The following ADARB2 variants were observed in gnomAD, a reference collection of about 807,000 sequenced individuals.
The protein encoded by ADARB2 is adenosine deaminase RNA specific B2 (inactive).
ADARB2 carries 25 observed loss-of-function variants against 62.2 expected under a neutral mutation model. The observed-to-expected ratio is 0.40, with a 90% CI of 0.29 to 0.56. The LOEUF is 0.56. Ranked by LOEUF, ADARB2 falls within the 20% of genes least tolerant of loss-of-function variation. The pLI, the probability that ADARB2 is intolerant of heterozygous loss-of-function variation, is 0.43. For missense variants in ADARB2, 1,071 were observed against 1,077.4 expected (o/e 0.99, Z 0.08); for synonymous variants, 572 against 500.8 (o/e 1.14, Z -1.90).
At chr10:1,425,532 A>C (rs1485015537) in intron 1 of ADARB2, among the ~76,000 whole-genome samples, 7 of 151,392 alleles carry the variant, frequency 4.6e-5, no homozygotes, top group Non-Finnish European at 8.8e-5. Context: ...TTGCTTGCAT[A>C]CTCCCAGTCC....
chr10:1,528,572 CA>C (rs1278196268), intron 1 of ADARB2, among the ~76,000 whole-genome samples: 1 of 152,216 alleles, frequency 6.6e-6, no homozygotes, highest in Non-Finnish European at 1.5e-5. Flanking sequence ...GGTCTTTGGT[CA>C]TCCCAGCAGC....
intron 1 of ADARB2, among the ~76,000 whole-genome samples, chr10:1,711,626 A>G (rs968384781): frequency 1.2e-4 from 18 of 152,222 alleles, no homozygotes; most frequent in African/African-American, 4.3e-4. Flanking sequence ...GATCTGAGGC[A>G]ATTCCTCATT....
chr10:1,721,904 C>T (rs1835098518), intron 1 of ADARB2, among the ~76,000 whole-genome samples: 6 of 152,076 alleles, frequency 3.9e-5, no homozygotes, highest in Admixed American at 3.9e-4. Flanking sequence ...ATGAGAGCAC[C>T]CCTCATTCCT....
intron 3 of ADARB2, among the ~76,000 whole-genome samples, chr10:1,276,866 C>T (rs953842489): frequency 7.2e-5 from 11 of 152,194 alleles, no homozygotes; most frequent in African/African-American, 2.4e-4. Flanking sequence ...GTAAAGCACT[C>T]CTCAGCAAAT....
chr10:1,498,232 G>A (rs1831716294), intron 1 of ADARB2, among the ~76,000 whole-genome samples: 1 of 152,020 alleles, frequency 6.6e-6, no homozygotes. Context: ...AAATTGGCCA[G>A]GCATGGTGGC....
rs972893196 is a variant in ADARB2, at chr10:1,317,555, G to A, written c.1077+45473C>T. Among the ~76,000 whole-genome samples, 25 of 152,322 alleles carry A rather than the reference G, an allele frequency of 1.6e-4. 1 individual carries two copies. Among genetic ancestry groups the A allele is most frequent in the Admixed American group, 1.4e-3 (21 of 15,302 alleles). On this transcript the variant is annotated intron_variant, in intron 3 of 9. Transcript: ENST00000381312. ...CTTATATAAACAAGATCACTTCTGG[G>A]AAGACATCCCTTTCTTAGGCGCTAT...
At chr10:1,536,346 T>G (rs1295130278) in intron 1 of ADARB2, among the ~76,000 whole-genome samples, 1 of 152,230 alleles carries the variant, frequency 6.6e-6, no homozygotes, top group Admixed American at 6.5e-5. Context: ...TGGTCTTTGG[T>G]TTCCAGCCTT....
intron 1 of ADARB2, among the ~76,000 whole-genome samples, chr10:1,554,369 G>C (rs1564328391): frequency 6.6e-6 from 1 of 152,162 alleles, no homozygotes; most frequent in South Asian, 2.1e-4. Flanking sequence ...GAGTCATTTT[G>C]TTCTCACGGT....
chr10:1,533,669 A>G (rs1832279196), intron 1 of ADARB2, among the ~76,000 whole-genome samples: 1 of 152,224 alleles, frequency 6.6e-6, no homozygotes, highest in African/African-American at 2.4e-5. Flanking sequence ...ATTTCTGAGC[A>G]TATTTCCTAA....
At chr10:1,719,396 G>A (rs1835059836) in intron 1 of ADARB2, among the ~76,000 whole-genome samples, 1 of 152,006 alleles carries the variant, frequency 6.6e-6, no homozygotes, top group East Asian at 1.9e-4. Context: ...TCAAATCTTT[G>A]GATTTCAGAA....
At chr10:1,230,762 C>G (rs755785509) in intron 6 of ADARB2, among the ~76,000 whole-genome samples, 4 of 152,176 alleles carry the variant, frequency 2.6e-5, no homozygotes, top group African/African-American at 4.8e-5. Flanking sequence ...TACCTTCCTT[C>G]TCCACGCTCT....
At chr10:1,423,596 G>A (rs188787263) in intron 1 of ADARB2, among the ~76,000 whole-genome samples, 33 of 152,190 alleles carry the variant, frequency 2.2e-4, no homozygotes, top group African/African-American at 8.0e-4. Context: ...GGTCCACTAT[G>A]TATGCAGTAA....
At chr10:1,234,722 G>A (rs189783519) in intron 5 of ADARB2, among the ~76,000 whole-genome samples, 15 of 146,952 alleles carry the variant, frequency 1.0e-4, no homozygotes, top group Admixed American at 9.5e-4. Flanking sequence ...GATTACAGGT[G>A]CGAGCGACCA....
intron 3 of ADARB2, among the ~76,000 whole-genome samples, chr10:1,330,389 T>C (rs1831917880): frequency 6.6e-6 from 1 of 152,226 alleles, no homozygotes; most frequent in Non-Finnish European, 1.5e-5. Context: ...GATCTATAAA[T>C]CACTCTATTA....
intron 4 of ADARB2, among the ~76,000 whole-genome samples, chr10:1,256,741 C>T (rs532992278): frequency 2.0e-5 from 3 of 151,970 alleles, no homozygotes; most frequent in Non-Finnish European, 4.4e-5. Flanking sequence ...TGTTCCTACC[C>T]CCAAGAAAGA....
intron 1 of ADARB2, among the ~76,000 whole-genome samples, chr10:1,658,170 CTG>C (rs747576364): frequency 4.0e-5 from 6 of 151,120 alleles, no homozygotes; most frequent in Non-Finnish European, 3.0e-5. Context: ...CTGTCTCTCT[CTG>C]TGTCTCTCTA....
chr10:1,255,405 A>G lies in ADARB2; in HGVS notation c.1193-13106T>C, dbSNP rs1304862683. Among the ~76,000 whole-genome samples the G allele has an allele frequency of 6.6e-6, 1 of 152,178 alleles. No individual in the cohort carries two copies. ...GCACATGTGAGCGCTGGGTCTACAC[A>G]CTAATCAAACATGCTGCTCACTCCA... On this transcript the variant is annotated intron_variant, in intron 4 of 9. Coordinates refer to ENST00000381312, the MANE Select transcript of ADARB2 (RefSeq NM_018702.4). This position sits in a 1 kb window ranked among gnomAD's most constrained non-coding sequence, Gnocchi z 4.7.
At chr10:1,215,179 C>T (rs909381280) in intron 7 of ADARB2, among the ~76,000 whole-genome samples, 3 of 152,210 alleles carry the variant, frequency 2.0e-5, no homozygotes, top group East Asian at 1.9e-4. Context: ...GCCCAGCACT[C>T]GGGCTTAGGA....
At chr10:1,613,930 A>G (rs931131979) in intron 1 of ADARB2, among the ~76,000 whole-genome samples, 1 of 152,256 alleles carries the variant, frequency 6.6e-6, no homozygotes, top group Non-Finnish European at 1.5e-5. Context: ...AGCTATTAAA[A>G]ATATGACCTT....
Sources: allele counts gnomAD v4.1 joint callset (sites outside exome capture counted in the v4.1 genomes callset), GRCh38; gene constraint gnomAD v4.1.1; non-coding constraint Gnocchi (gnomAD v3.1); transcripts MANE v1.5; gene names NCBI Gene and HGNC (gene_info 2026-07-23, HGNC 2026-07-21).